ESR1: variants seen among roughly 807,000 people sequenced by gnomAD.
The protein encoded by ESR1 is estrogen receptor 1.
In ESR1, 12 loss-of-function variants were observed where a neutral mutation model predicts 52.7. That is an observed-to-expected ratio of 0.23 (90% CI 0.15 to 0.37). The LOEUF (loss-of-function observed/expected upper bound fraction) is 0.37. Among genes scored for constraint, ESR1 ranks in the 10% least tolerant of loss-of-function variants. ESR1 has a pLI of 1.00. For synonymous variants in ESR1, 305 were observed against 316.8 expected, an observed-to-expected ratio of 0.96 and a Z score of 0.39; for missense variants, 584 against 779.7, an observed-to-expected ratio of 0.75 and a Z score of 2.99.
intron 3 of ESR1, among the ~76,000 whole-genome samples, chr6:151,895,565 C>T (rs1476680190): frequency 3.3e-5 from 5 of 152,028 alleles, no homozygotes; most frequent in African/African-American, 7.2e-5. Flanking sequence ...CCTTGTATAC[C>T]GATTTTGCTG....
At chr6:152,090,912 C>T (rs2050130296) in intron 6 of ESR1, among the ~76,000 whole-genome samples, 1 of 152,248 alleles carries the variant, frequency 6.6e-6, no homozygotes, top group South Asian at 2.1e-4. Flanking sequence ...TGCCTAGAAG[C>T]TCAGATTTGC....
intron 4 of ESR1, among the ~76,000 whole-genome samples, chr6:151,978,264 G>A (rs1427921828): frequency 9.2e-5 from 14 of 152,102 alleles, no homozygotes; most frequent in Non-Finnish European, 1.5e-5. Flanking sequence ...TTAGTAGAAT[G>A]GATATAGCAG....
chr6:151,830,644 G>A (rs761411020), intron 1 of ESR1, among the ~76,000 whole-genome samples: 6 of 152,132 alleles, frequency 3.9e-5, no homozygotes. Flanking sequence ...GTGAAACTCA[G>A]CTTGGGTCAT....
chr6:151,984,372 C>T (rs1003855314), intron 4 of ESR1, among the ~76,000 whole-genome samples: 2 of 151,956 alleles, frequency 1.3e-5, no homozygotes, highest in Admixed American at 1.3e-4. Flanking sequence ...CATTTAAACG[C>T]AACTATGAGG....
intron 1 of ESR1, among the ~76,000 whole-genome samples, chr6:151,671,287 C>G (rs1778049233): frequency 6.6e-6 from 1 of 152,104 alleles, no homozygotes; most frequent in South Asian, 2.1e-4. Context: ...ACCTGAGTGT[C>G]CATCAACAGA....
chr6:151,910,093 T>C (rs1361662962), intron 3 of ESR1, among the ~76,000 whole-genome samples: 1 of 151,602 alleles, frequency 6.6e-6, no homozygotes. Context: ...AAGGATATAC[T>C]ATGTATCTAG....
At chr6:151,994,747 G>A (rs1367015754) in intron 4 of ESR1, among the ~76,000 whole-genome samples, 1 of 152,050 alleles carries the variant, frequency 6.6e-6, no homozygotes, top group Non-Finnish European at 1.5e-5. Flanking sequence ...CAAACTACCA[G>A]CATGCCTATA....
intron 2 of ESR1, among the ~76,000 whole-genome samples, chr6:151,745,347 G>A (rs879587138): frequency 1.3e-5 from 2 of 152,036 alleles, no homozygotes; most frequent in Admixed American, 1.3e-4. Flanking sequence ...TGCTTACTGT[G>A]GCATTGGTGC....
Position 151,848,389 on chromosome 6 carries a change from T to G in ESR1, c.643+5602T>G, listed in dbSNP as rs754889370. 2.6e-3 allele frequency among the ~76,000 whole-genome samples: 341 copies of G among 128,968 alleles called. 7 individuals carry two copies. The highest frequency in any genetic ancestry group is 3.9e-3 in the Non-Finnish European group (238 of 60,336). 84.6% of individuals were successfully genotyped at this position (128,968 alleles called of 152,430 possible). A position where few individuals can be genotyped will look rare whatever the true frequency, so the allele number is the denominator to read the frequency against. ...ATATACCTAATGCTAGATGACGAGT[T>G]AGTGGGTGCAGCGCACCAGCATGGC... On this transcript the variant is annotated intron_variant, in intron 2 of 7. Coordinates refer to ENST00000206249, the MANE Select transcript of ESR1 (RefSeq NM_000125.4).
Position 151,807,725 on chromosome 6 carries a change from C to T in ESR1, c.-188C>T. The T allele has an allele frequency of 1.5e-6, 1 of 660,012 alleles. No homozygotes were observed. Among genetic ancestry groups the T allele is most frequent in the Non-Finnish European group, 2.7e-6 (1 of 369,542 alleles). 40.9% of individuals were successfully genotyped at this position (660,012 alleles called of 1,614,324 possible). A position where few individuals can be genotyped will look rare whatever the true frequency, so the allele number is the denominator to read the frequency against. ...GTCCTGGGACTGCACTTGCTCCCGT[C>T]GGGTCGCCCGGCTTCACCGGACCCG... On this transcript the variant is annotated 5_prime_UTR_variant, in exon 1 of 8. Coordinates refer to ENST00000206249, the MANE Select transcript of ESR1 (RefSeq NM_000125.4).
chr6:151,947,409 A>G (rs1290280574), intron 4 of ESR1, among the ~76,000 whole-genome samples: 1 of 152,218 alleles, frequency 6.6e-6, no homozygotes, highest in African/African-American at 2.4e-5. Context: ...TAGCTATATG[A>G]TACAAAAACC....
intron 4 of ESR1, among the ~76,000 whole-genome samples, chr6:152,011,339 T>C (rs2042748587): frequency 1.3e-5 from 2 of 152,146 alleles, no homozygotes; most frequent in Non-Finnish European, 2.9e-5. Flanking sequence ...GTTACTATTA[T>C]AGCTGTCTAA....
At chr6:151,772,919 G>A (rs961352277) in intron 2 of ESR1, among the ~76,000 whole-genome samples, 3 of 152,128 alleles carry the variant, frequency 2.0e-5, no homozygotes, top group African/African-American at 7.2e-5. Flanking sequence ...CAAATCTACT[G>A]CTTCTTGGAT....
rs1381695532 is a variant in ESR1, at chr6:152,098,696, T to C, written c.1554-36T>C. 2.5e-6 allele frequency: 4 copies of C among 1,578,058 alleles called. No homozygotes were observed. The highest frequency in any genetic ancestry group is 1.3e-5 in the African/African-American group (1 of 74,104). ...CAGCACTCCTGGGGCTCGGGTTGGC[T>C]CTAAAGTAGTCCTTTCTGTGTCTTC... On this transcript the variant is annotated intron_variant, in intron 7 of 7. Transcript: ENST00000206249. The surrounding 1 kb of genome is among the most constrained non-coding windows in gnomAD (Gnocchi z 5.1).
chr6:152,057,659 C>A (rs2047206791), intron 5 of ESR1, among the ~76,000 whole-genome samples: 1 of 150,594 alleles, frequency 6.6e-6, no homozygotes, highest in Non-Finnish European at 1.5e-5. Context: ...CAACATATGC[C>A]CCCTCCACAT....
chr6:151,811,667 T>C (rs1778853865), intron 1 of ESR1, among the ~76,000 whole-genome samples: 1 of 152,204 alleles, frequency 6.6e-6, no homozygotes, highest in Non-Finnish European at 1.5e-5. Flanking sequence ...AAGTTTCAAG[T>C]TTCCGATACA....
chr6:151,771,143 C>T (rs1246959761), intron 2 of ESR1, among the ~76,000 whole-genome samples: 2 of 152,206 alleles, frequency 1.3e-5, no homozygotes, highest in East Asian at 1.9e-4. Flanking sequence ...CTGTAGACAA[C>T]GACTCTCACT....
At chr6:152,093,504 A>G (rs1451475775) in intron 6 of ESR1, among the ~76,000 whole-genome samples, 2 of 151,830 alleles carry the variant, frequency 1.3e-5, no homozygotes, top group Non-Finnish European at 2.9e-5. Context: ...AGAAGAAAAA[A>G]CTTTTGTCTC....
At chr6:152,031,328 C>A (rs1410722491) in intron 5 of ESR1, among the ~76,000 whole-genome samples, 2 of 151,882 alleles carry the variant, frequency 1.3e-5, no homozygotes, top group Non-Finnish European at 2.9e-5. Flanking sequence ...AAAAACCCTT[C>A]AAAAAATCAA....
Sources: gnomAD v4.1 joint callset for allele counts (sites outside exome capture counted in the v4.1 genomes callset) on GRCh38, gnomAD v4.1.1 for gene constraint, Gnocchi (gnomAD v3.1) non-coding constraint, MANE v1.5 for transcripts, NCBI Gene and HGNC (gene_info 2026-07-23, HGNC 2026-07-21) for gene names.